Variants in PPP1R16B observed in about 807,000 individuals in gnomAD.
The protein encoded by PPP1R16B is protein phosphatase 1 regulatory inhibitor subunit 16B.
In PPP1R16B, 14 loss-of-function variants were observed where a neutral mutation model predicts 61.7. That is an observed-to-expected ratio of 0.23 (90% CI 0.15 to 0.35). The LOEUF is 0.35. Ranked by LOEUF, PPP1R16B falls within the 10% of genes least tolerant of loss-of-function variation. The pLI, the probability that PPP1R16B is intolerant of heterozygous loss-of-function variation, is 1.00. For missense variants in PPP1R16B, 547 were observed against 752.5 expected (o/e 0.73, Z 3.19); for synonymous variants, 266 against 305.3 (o/e 0.87, Z 1.34).
intron 6 of PPP1R16B, among the ~76,000 whole-genome samples, chr20:38,905,665 T>C (rs988702313): frequency 1.3e-5 from 2 of 152,116 alleles, no homozygotes; most frequent in Admixed American, 1.3e-4. Context: ...AATCACCATA[T>C]TGAACCTCAG....
At chr20:38,893,754 T>A (rs2085310078) in intron 3 of PPP1R16B, among the ~76,000 whole-genome samples, 1 of 152,042 alleles carries the variant, frequency 6.6e-6, no homozygotes, top group African/African-American at 2.4e-5. Context: ...AGGTGTAGAC[T>A]GGTCCAGCCC....
intron 3 of PPP1R16B, among the ~76,000 whole-genome samples, chr20:38,892,436 C>T (rs1238724990): frequency 2.0e-5 from 3 of 152,242 alleles, no homozygotes; most frequent in East Asian, 3.9e-4. Flanking sequence ...AACCACCACA[C>T]GTGCCTTGGG....
intron 1 of PPP1R16B, among the ~76,000 whole-genome samples, chr20:38,807,192 C>T (rs903866298): frequency 2.0e-5 from 3 of 152,052 alleles, no homozygotes; most frequent in Non-Finnish European, 2.9e-5. Flanking sequence ...GGTGAAGCAC[C>T]GGAGAAAAAC....
chr20:38,831,103 T>C (rs988868159), intron 1 of PPP1R16B, among the ~76,000 whole-genome samples: 2 of 152,240 alleles, frequency 1.3e-5, no homozygotes, highest in African/African-American at 4.8e-5. Flanking sequence ...GAGACAGCCA[T>C]TGACCACGAG....
At chr20:38,819,992 T>A (rs991372489) in intron 1 of PPP1R16B, among the ~76,000 whole-genome samples, 5 of 152,144 alleles carry the variant, frequency 3.3e-5, no homozygotes, top group African/African-American at 1.2e-4. Context: ...ATAGATTAGT[T>A]TTGCCTGTTG....
At position 38,908,041 on chromosome 20, in the gene PPP1R16B, C is replaced by T. The variant is rs1242087219; in HGVS notation, c.1042C>T (p.Arg348Ter). The T allele has an allele frequency of 1.2e-6, 2 of 1,614,034 alleles. No individual in the cohort carries two copies. Among genetic ancestry groups the T allele is most frequent in the African/African-American group, 1.3e-5 (1 of 74,928 alleles). ...SAGSRGKVVR[R>*]ASLSDRTNLY... ...TTGTCCTCTCAGGAAGGTGGTGCGG[C>T]GAGCCAGCCTGTCGGACAGGACCAA... The change falls in exon 10 of 11, where the codon CGA (arginine) becomes TGA (stop). Residue 348 changes from arginine (R) to a stop codon, truncating the protein, a stop_gained. Coordinates refer to ENST00000299824, the MANE Select transcript of PPP1R16B (RefSeq NM_015568.4). LOFTEE classifies it high-confidence loss of function.
chr20:38,822,144 G>T (rs868137613), intron 1 of PPP1R16B, among the ~76,000 whole-genome samples: 10 of 151,598 alleles, frequency 6.6e-5, no homozygotes, highest in Non-Finnish European at 1.2e-4. Flanking sequence ...AATCTTTGCT[G>T]AATTCATTTA....
intron 4 of PPP1R16B, 81 bp downstream of exon 4, chr20:38,895,791 C>CT: frequency 2.2e-6 from 3 of 1,369,050 alleles, no homozygotes; most frequent in Non-Finnish European, 3.0e-6. Context: ...TCCTCCCTCC[C>CT]TCCTTCCTTC....
chr20:38,822,383 T>C (rs1455476029), intron 1 of PPP1R16B, among the ~76,000 whole-genome samples: 1 of 152,092 alleles, frequency 6.6e-6, no homozygotes, highest in East Asian at 1.9e-4. Context: ...ACTGGGCGCT[T>C]CCCGCAAATA....
intron 1 of PPP1R16B, among the ~76,000 whole-genome samples, chr20:38,831,129 G>A (rs996694672): frequency 2.0e-5 from 3 of 152,234 alleles, no homozygotes; most frequent in Non-Finnish European, 4.4e-5. Context: ...TTGTCGAATT[G>A]CTTGTTGGAC....
intron 6 of PPP1R16B, among the ~76,000 whole-genome samples, chr20:38,905,128 A>G (rs2085429306): frequency 6.6e-6 from 1 of 152,180 alleles, no homozygotes; most frequent in African/African-American, 2.4e-5. Flanking sequence ...ACTACCCCAC[A>G]ATGTAGCATC....
rs766310657 is a variant in PPP1R16B, at chr20:38,907,991, C to CT, written c.1029-36dup. 14 of 1,613,808 alleles carry CT rather than the reference C, an allele frequency of 8.7e-6. No individual in the cohort carries two copies. In the African/African-American group the frequency reaches 1.6e-4, roughly 18 times the overall value. On this transcript the variant is annotated intron_variant, in intron 9 of 10. Coordinates refer to ENST00000299824, the MANE Select transcript of PPP1R16B (RefSeq NM_015568.4). The surrounding 1 kb of genome is among the most constrained non-coding windows in gnomAD (Gnocchi z 4.5). The stretch of plus-strand genomic sequence containing the variant: ...CTGTGTGTGCTCCTGCCTGTGGTGC[C>CT]TGGGTGCAGCCTCTAGGACCCACTT...
intron 5 of PPP1R16B, among the ~76,000 whole-genome samples, chr20:38,900,912 C>T (rs1051704184): frequency 3.3e-5 from 5 of 152,238 alleles, no homozygotes; most frequent in African/African-American, 9.6e-5. Flanking sequence ...TGATCTCATT[C>T]GTGTCACCCA....
chr20:38,875,147 G>A (rs2085157028), intron 2 of PPP1R16B, among the ~76,000 whole-genome samples: 1 of 152,100 alleles, frequency 6.6e-6, no homozygotes, highest in African/African-American at 2.4e-5. Flanking sequence ...CTGCAGGTCC[G>A]AGAGCTCAGG....
chr20:38,839,930 G>T (rs2084899046), intron 2 of PPP1R16B, among the ~76,000 whole-genome samples: 1 of 152,208 alleles, frequency 6.6e-6, no homozygotes, highest in Non-Finnish European at 1.5e-5. Context: ...TGAAAGAGAT[G>T]GATCTGAAGG....
At chr20:38,891,311 G>C (rs2085290735) in intron 3 of PPP1R16B, among the ~76,000 whole-genome samples, 1 of 152,126 alleles carries the variant, frequency 6.6e-6, no homozygotes, top group Admixed American at 6.5e-5. Context: ...TCTAAAAGAG[G>C]AATAACAAGT....
At position 38,921,891 on chromosome 20, in the gene PPP1R16B, T is replaced by C. The variant is rs1175639090; in HGVS notation, c.*3225T>C. 1 of 152,180 alleles carries C rather than the reference T, an allele frequency of 6.6e-6. No individual in the cohort carries two copies. The highest frequency in any genetic ancestry group is 2.4e-5 in the African/African-American group (1 of 41,456). The allele number at this position is 152,180 out of a possible 1,614,324, so 9.4% of individuals were successfully genotyped here. On this transcript the variant is annotated 3_prime_UTR_variant, in exon 11 of 11. Coordinates refer to ENST00000299824, the MANE Select transcript of PPP1R16B (RefSeq NM_015568.4). The stretch of plus-strand genomic sequence containing the variant: ...TTCCTTGGGAATCTGCCTCCCTCCA[T>C]GGCAGGGGTGGATTCGGGAGCTGGG...
chr20:38,854,625 A>C (rs2084991745), intron 2 of PPP1R16B, among the ~76,000 whole-genome samples: 2 of 152,214 alleles, frequency 1.3e-5, no homozygotes, highest in African/African-American at 4.8e-5. Context: ...AGACAAAACT[A>C]AATTTTAATC....
chr20:38,808,217 CTG>C (rs1293717502), intron 1 of PPP1R16B, among the ~76,000 whole-genome samples: 1 of 152,212 alleles, frequency 6.6e-6, no homozygotes, highest in East Asian at 1.9e-4. Context: ...GATGGGAAAA[CTG>C]GGGCTCAGCT....
Sources: gnomAD v4.1 joint callset for allele counts (sites outside exome capture counted in the v4.1 genomes callset) on GRCh38, gnomAD v4.1.1 for gene constraint, Gnocchi (gnomAD v3.1) non-coding constraint, MANE v1.5 for transcripts, NCBI Gene and HGNC (gene_info 2026-07-23, HGNC 2026-07-21) for gene names.